YTHDC1: variants seen among roughly 807,000 people sequenced by gnomAD.
The protein encoded by YTHDC1 is YTH N6-methyladenosine RNA binding protein C1.
YTHDC1 carries 12 observed loss-of-function variants against 107.0 expected under a neutral mutation model. The ratio of observed to expected loss-of-function variants is 0.11; its 90% CI spans 0.07 to 0.18. The LOEUF is 0.18. YTHDC1 is among the 10% of genes least tolerant of loss of function. The pLI, the probability that YTHDC1 is intolerant of heterozygous loss-of-function variation, is 1.00. For synonymous variants in YTHDC1, 280 were observed against 289.5 expected (o/e 0.97, Z 0.33); for missense variants, 635 against 898.8 (o/e 0.71, Z 3.75).
chr4:68,314,672 T>C (rs976529330), intron 16 of YTHDC1, among the ~76,000 whole-genome samples: 3 of 152,226 alleles, frequency 2.0e-5, no homozygotes, highest in African/African-American at 7.2e-5. Context: ...CTTCAACTAT[T>C]ATCCATATAT....
rs370636619 is a variant in YTHDC1 at position 68,334,898 on chromosome 4, T to G, written c.884-1501A>C. 1.1e-3 allele frequency among the ~76,000 whole-genome samples: 163 copies of G among 152,188 alleles called. 1 individual carries two copies. The highest frequency in any genetic ancestry group is 3.8e-3 in the African/African-American group (157 of 41,536). Reference sequence around the variant, plus strand: ...AATAATTAAAAAGTTACTAAAAAGATCTGAGATAATGCAGGGAAAATAACA... The same window carrying G: ...AATAATTAAAAAGTTACTAAAAAGAGCTGAGATAATGCAGGGAAAATAACA... On this transcript the variant is annotated intron_variant, in intron 4 of 16. Coordinates refer to ENST00000344157, the MANE Select transcript of YTHDC1 (RefSeq NM_001031732.4).
At chr4:68,336,787 T>C (rs1394277183) in intron 4 of YTHDC1, among the ~76,000 whole-genome samples, 1 of 152,202 alleles carries the variant, frequency 6.6e-6, no homozygotes, top group Non-Finnish European at 1.5e-5. Flanking sequence ...CAGAATCAAA[T>C]GGACTTGTGT....
Position 68,337,238 on chromosome 4 carries a change from C to G in YTHDC1, c.672G>C (p.Glu224Asp). The G allele has an allele frequency of 6.2e-7, 1 of 1,603,870 alleles. No individual in the cohort carries two copies. The highest frequency in any genetic ancestry group is 8.5e-7 in the Non-Finnish European group (1 of 1,172,510). ...EVEEDAEEDEEVDEDGEEEEE... is the reference protein window; with the variant it reads ...EVEEDAEEDEDVDEDGEEEEE... ...CCTCCTCCTCTCCATCTTCATCCAC[C>G]TCTTCATCTTCTTCTGCATCTTCTT... is the stretch of plus-strand genomic sequence containing the variant. The change falls in exon 4 of 17, where the codon GAG becomes GAC. Residue 224 changes from glutamate (E) to aspartate (D), a missense_variant. This residue lies in a region of YTHDC1 where 294 missense variants were observed against 312.3 expected (regional missense o/e 0.94). Transcript: ENST00000344157.
chr4:68,336,908 C>A lies in YTHDC1; in HGVS notation c.883+119G>T, dbSNP rs1724227718. ...TAACATTCAAAAGCATATAAAGGAT[C>A]ACAAGACAATCCTATTAATATCCCC... On this transcript the variant is annotated intron_variant, in intron 4 of 16. Transcript: ENST00000344157. 3.0e-6 allele frequency: 4 copies of A among 1,323,200 alleles called. No homozygotes were observed. In the African/African-American group the frequency reaches 6.0e-5, roughly 20 times the overall value. The allele number at this position is 1,323,200 out of a possible 1,614,324, so 82.0% of individuals were successfully genotyped here.
intron 9 of YTHDC1, among the ~76,000 whole-genome samples, chr4:68,326,862 A>G (rs1723045528): frequency 6.6e-6 from 1 of 150,566 alleles, no homozygotes; most frequent in Non-Finnish European, 1.5e-5. Context: ...AAGTGCTGGG[A>G]TTACAGGCAT....
chr4:68,313,578 A>T lies in YTHDC1; in HGVS notation c.*521T>A, dbSNP rs951754814. The T allele has an allele frequency of 6.5e-6, 1 of 153,514 alleles. No individual in the cohort carries two copies. The highest frequency in any genetic ancestry group is 2.4e-5 in the African/African-American group (1 of 41,462). 9.5% of individuals were successfully genotyped at this position (153,514 alleles called of 1,614,324 possible). ...CTGAGGAAAAATAAAAAGTGACTTTATAAGTTTTTTAAAAAAAGAGGCAAT... is the reference window on the plus strand; with the variant it reads ...CTGAGGAAAAATAAAAAGTGACTTTTTAAGTTTTTTAAAAAAAGAGGCAAT... On this transcript the variant is annotated 3_prime_UTR_variant, in exon 17 of 17. Coordinates refer to ENST00000344157, the MANE Select transcript of YTHDC1 (RefSeq NM_001031732.4).
intron 1 of YTHDC1, among the ~76,000 whole-genome samples, chr4:68,346,205 C>T (rs1281580004): frequency 3.3e-5 from 5 of 151,474 alleles, no homozygotes; most frequent in Admixed American, 1.3e-4. Context: ...TGCTTAAGCC[C>T]GGGAGTTCAA....
At chr4:68,344,445 C>G (rs1276869934) in intron 1 of YTHDC1, among the ~76,000 whole-genome samples, 1 of 152,118 alleles carries the variant, frequency 6.6e-6, no homozygotes, top group African/African-American at 2.4e-5. Flanking sequence ...CAATCCTACT[C>G]AACTCCAGAA....
At chr4:68,349,543 A>G (rs964639657) in intron 1 of YTHDC1, among the ~76,000 whole-genome samples, 183 bp downstream of exon 1, 2 of 152,038 alleles carry the variant, frequency 1.3e-5, no homozygotes, top group African/African-American at 4.8e-5. Flanking sequence ...ATGGAGACTG[A>G]GGACGAAAGG....
chr4:68,313,147 G>T lies in YTHDC1; in HGVS notation c.*952C>A, dbSNP rs186632787. 7.0e-4 allele frequency: 107 copies of T among 152,264 alleles called. No individual in the cohort carries two copies. Among genetic ancestry groups the T allele is most frequent in the African/African-American group, 2.6e-3 (106 of 41,558 alleles). 9.4% of individuals were successfully genotyped at this position (152,264 alleles called of 1,614,324 possible). On this transcript the variant is annotated 3_prime_UTR_variant, in exon 17 of 17. Transcript: ENST00000344157. ...ACATAACTCTGTGTATCTTATGTTA[G>T]AAATAGAAGTAAGCTTTTAATGCAA... is the stretch of plus-strand genomic sequence containing the variant.
At chr4:68,316,574 G>A in intron 15 of YTHDC1, 126 bp from the exon 16 acceptor site, 1 of 1,092,912 alleles carries the variant, frequency 9.1e-7, no homozygotes, top group Non-Finnish European at 1.3e-6. Context: ...TTACTTTGAT[G>A]GCATTAAGGT....
Position 68,322,575 on chromosome 4 carries a change from G to T in YTHDC1, c.1601+174C>A. ...CCCATTTTCCTCTTGAAAAATGACT[G>T]AGACCAAGGTGACCATGTGAAATCC... On this transcript the variant is annotated intron_variant, in intron 11 of 16. Transcript: ENST00000344157. This position sits in a 1 kb window ranked among gnomAD's most constrained non-coding sequence, Gnocchi z 4.8. 1 of 723,650 alleles carries T rather than the reference G, an allele frequency of 1.4e-6. No homozygotes were observed. Among genetic ancestry groups the T allele is most frequent in the Non-Finnish European group, 2.1e-6 (1 of 468,628 alleles). 44.8% of individuals were successfully genotyped at this position (723,650 alleles called of 1,614,324 possible).
In YTHDC1 at chr4:68,337,870, G is replaced by T. The variant is rs1401155034; in HGVS notation, c.161C>A (p.Ser54Tyr). Residue 54 changes from serine to tyrosine, a missense_variant, in exon 3 of 17, where the codon TCT (serine) becomes TAT (tyrosine). Coordinates refer to ENST00000344157, the MANE Select transcript of YTHDC1 (RefSeq NM_001031732.4). ...AGGCTTTTGTCGTTTGGTATCAGTA[G>T]ATTCCATTCGATCACTTTTTCTTTT... ...GSKRKSDRMESTDTKRQKPSV... is the reference protein window; with the variant it reads ...GSKRKSDRMEYTDTKRQKPSV... The T allele has an allele frequency of 1.2e-6, 2 of 1,611,958 alleles. No homozygotes were observed. The highest frequency in any genetic ancestry group is 1.7e-6 in the Non-Finnish European group (2 of 1,179,794).
chr4:68,316,502 G>T, intron 15 of YTHDC1, 54 bp from the exon 16 acceptor site: 1 of 1,573,090 alleles, frequency 6.4e-7, no homozygotes. Flanking sequence ...TTGTAAACAA[G>T]CGATTCTTAG....
intron 6 of YTHDC1, among the ~76,000 whole-genome samples, chr4:68,332,418 G>A (rs1182882889): frequency 3.3e-5 from 5 of 151,994 alleles, no homozygotes; most frequent in Admixed American, 1.3e-4. Context: ...GTGATGTTCC[G>A]ATATATCAAA....
chr4:68,337,848 C>G lies in YTHDC1; in HGVS notation c.183G>C (p.Lys61Asn). 6.2e-7 allele frequency: 1 copy of G among 1,613,426 alleles called. No homozygotes were observed. Among genetic ancestry groups the G allele is most frequent in the Non-Finnish European group, 8.5e-7 (1 of 1,179,952 alleles). The part of the protein sequence containing the change: ...RMESTDTKRQ[K>N]PSVHSRQLVS... ...CCAGTTGTCTAGAATGGACAGAAGG[C>G]TTTTGTCGTTTGGTATCAGTAGATT... is the stretch of plus-strand genomic sequence containing the variant. The change falls in exon 3 of 17, where the codon AAG (lysine) becomes AAC (asparagine). Residue 61 changes from lysine (K) to asparagine (N), a missense_variant. By Grantham distance (94) the Lys-to-Asn change is moderately conservative. Coordinates refer to ENST00000344157, the MANE Select transcript of YTHDC1 (RefSeq NM_001031732.4).
At chr4:68,341,471 CTG>C (rs1578071061) in intron 1 of YTHDC1, among the ~76,000 whole-genome samples, 1 of 152,126 alleles carries the variant, frequency 6.6e-6, no homozygotes, top group Non-Finnish European at 1.5e-5. Context: ...CATCAATAAA[CTG>C]TGTGGTTTTA....
intron 16 of YTHDC1, 52 bp downstream of exon 16, chr4:68,316,262 C>G (rs1432089971): frequency 1.3e-6 from 2 of 1,554,780 alleles, no homozygotes; most frequent in Admixed American, 1.9e-5. Context: ...ATTTAAGTTA[C>G]CTACAGAATT....
At chr4:68,327,201 A>G (rs1723087538) in intron 9 of YTHDC1, among the ~76,000 whole-genome samples, 1 of 152,030 alleles carries the variant, frequency 6.6e-6, no homozygotes, top group South Asian at 2.1e-4. Flanking sequence ...GCGCCATTGC[A>G]CTCTAGCCTG....
Sources: gnomAD v4.1 joint callset for allele counts (sites outside exome capture counted in the v4.1 genomes callset) on GRCh38, gnomAD v4.1.1 for gene constraint, gnomAD v4.1.1 regional missense constraint, Gnocchi (gnomAD v3.1) non-coding constraint, MANE v1.5 for transcripts, NCBI Gene and HGNC (gene_info 2026-07-23, HGNC 2026-07-21) for gene names.